CADPS2: variants seen among roughly 807,000 people sequenced by gnomAD.
CADPS2 encodes the protein calcium dependent secretion activator 2.
CADPS2 carries 93 observed loss-of-function variants against 172.5 expected under a neutral mutation model. The ratio of observed to expected loss-of-function variants is 0.54; its 90% confidence interval spans 0.46 to 0.64. The LOEUF (loss-of-function observed/expected upper bound fraction) is 0.64, where lower values mean the gene tolerates loss of function less well. Among genes scored for constraint, CADPS2 ranks in the 30% least tolerant of loss-of-function variants. CADPS2 has a pLI of 0.00. For synonymous variants in CADPS2, 546 were observed against 555.2 expected, an observed-to-expected ratio of 0.98 and a Z score of 0.23; for missense variants, 1,420 against 1,565.9, an observed-to-expected ratio of 0.91 and a Z score of 1.57.
intron 1 of CADPS2, among the ~76,000 whole-genome samples, chr7:122,833,013 T>C (rs1807072302): frequency 6.6e-6 from 1 of 152,218 alleles, no homozygotes; most frequent in African/African-American, 2.4e-5. Flanking sequence ...ATCTATTTCC[T>C]ATGAAAAATT....
At chr7:122,423,924 C>A (rs371749186) in intron 17 of CADPS2, among the ~76,000 whole-genome samples, 1 of 152,192 alleles carries the variant, frequency 6.6e-6, no homozygotes, top group East Asian at 1.9e-4. Context: ...AGGTGACCTA[C>A]GTAAACTTTG....
Position 122,474,534 on chromosome 7 carries a change from G to C in CADPS2, c.1862-17C>G. On this transcript the variant is annotated splice_polypyrimidine_tract_variant and intron_variant, in intron 12 of 29. Transcript: ENST00000449022. ...GATCTGCATCTGTAAATTCAGGAAA[G>C]CATGTACAGTATATTTACTTTTCAG... 2 of 1,608,472 alleles carry C rather than the reference G, an allele frequency of 1.2e-6. No homozygotes were observed. The highest frequency in any genetic ancestry group is 1.7e-6 in the Non-Finnish European group (2 of 1,176,940).
chr7:122,485,484 A>G (rs570032011), intron 11 of CADPS2, among the ~76,000 whole-genome samples: 5 of 152,328 alleles, frequency 3.3e-5, no homozygotes, highest in African/African-American at 9.6e-5. Context: ...CCTAATCCAG[A>G]GCAAGGCCCT....
At chr7:122,538,020 T>C (rs1318415147) in intron 8 of CADPS2, among the ~76,000 whole-genome samples, 1 of 151,682 alleles carries the variant, frequency 6.6e-6, no homozygotes, top group East Asian at 1.9e-4. Context: ...AAACTTGAAA[T>C]GGCCACCAAA....
chr7:122,565,026 A>C (rs1288873292), intron 7 of CADPS2, among the ~76,000 whole-genome samples: 1 of 152,114 alleles, frequency 6.6e-6, no homozygotes, highest in Non-Finnish European at 1.5e-5. Context: ...CAATGGGTAT[A>C]CATAGATATA....
intron 18 of CADPS2, 36 bp from the exon 19 acceptor site, chr7:122,414,112 T>C (rs761450719): frequency 8.1e-6 from 12 of 1,485,696 alleles, no homozygotes; most frequent in Non-Finnish European, 1.1e-5. Context: ...CATTGCAGAG[T>C]AGAACAATTG....
intron 1 of CADPS2, among the ~76,000 whole-genome samples, chr7:122,857,270 CTTTT>C (rs1584963952): frequency 6.6e-6 from 1 of 152,234 alleles, no homozygotes; most frequent in East Asian, 1.9e-4. Context: ...CCCTCTATTT[CTTTT>C]TTATGTTTCT....
At chr7:122,499,296 C>G (rs1020385816) in intron 9 of CADPS2, among the ~76,000 whole-genome samples, 2 of 152,162 alleles carry the variant, frequency 1.3e-5, no homozygotes, top group African/African-American at 4.8e-5. Context: ...GGTACATCTT[C>G]TTTCTCTGCA....
At chr7:122,704,947 C>G (rs35372605) in intron 2 of CADPS2, among the ~76,000 whole-genome samples, 21,250 of 151,734 alleles carry the variant, frequency 0.14, 1,546 homozygotes, top group Middle Eastern at 0.21. Context: ...ATTATGTGGT[C>G]CAAAATATCA....
intron 7 of CADPS2, among the ~76,000 whole-genome samples, chr7:122,574,188 G>A (rs2067653465): frequency 6.6e-6 from 1 of 151,892 alleles, no homozygotes; most frequent in Non-Finnish European, 1.5e-5. Flanking sequence ...GCTCATGCCA[G>A]GAATCCAAGC....
chr7:122,538,212 G>A (rs2062521523), intron 8 of CADPS2, among the ~76,000 whole-genome samples: 1 of 151,294 alleles, frequency 6.6e-6, no homozygotes, highest in South Asian at 2.1e-4. Context: ...CTGATTTAAT[G>A]AGGTTAATAT....
chr7:122,602,582 G>T (rs1262238016), intron 6 of CADPS2, among the ~76,000 whole-genome samples: 1 of 151,928 alleles, frequency 6.6e-6, no homozygotes, highest in Non-Finnish European at 1.5e-5. Context: ...GAGTTCCTAG[G>T]CAGAGAAAGA....
chr7:122,622,929 T>C (rs925940028), intron 4 of CADPS2, among the ~76,000 whole-genome samples: 2 of 152,290 alleles, frequency 1.3e-5, no homozygotes, highest in South Asian at 2.1e-4. Flanking sequence ...ATTCATGGGA[T>C]TGGAAGGAAC....
chr7:122,335,563 G>T (rs1445737900), intron 28 of CADPS2, among the ~76,000 whole-genome samples: 1 of 152,134 alleles, frequency 6.6e-6, no homozygotes, highest in Non-Finnish European at 1.5e-5. Flanking sequence ...CAAATATAGG[G>T]AATATATGGA....
intron 7 of CADPS2, among the ~76,000 whole-genome samples, chr7:122,568,890 G>A (rs1046910512): frequency 6.6e-6 from 1 of 151,820 alleles, no homozygotes; most frequent in Non-Finnish European, 1.5e-5. Flanking sequence ...AGAGAATAAC[G>A]AGAGCTATCT....
At chr7:122,457,618 T>C (rs982210178) in intron 14 of CADPS2, among the ~76,000 whole-genome samples, 7 of 152,222 alleles carry the variant, frequency 4.6e-5, no homozygotes, top group African/African-American at 1.7e-4. Context: ...TAACTTTGTA[T>C]AAATAGCACT....
intron 1 of CADPS2, among the ~76,000 whole-genome samples, chr7:122,865,602 C>T (rs1325254401): frequency 6.6e-6 from 1 of 152,190 alleles, no homozygotes; most frequent in East Asian, 1.9e-4. Flanking sequence ...CTCATTAAGA[C>T]TGATGATCTT....
At chr7:122,504,864 C>A (rs575974468) in intron 9 of CADPS2, among the ~76,000 whole-genome samples, 1 of 152,118 alleles carries the variant, frequency 6.6e-6, no homozygotes, top group Non-Finnish European at 1.5e-5. Flanking sequence ...ATGCCCAGTC[C>A]GTTTTCACAA....
chr7:122,691,459 C>G (rs944974420), intron 2 of CADPS2, among the ~76,000 whole-genome samples: 4 of 152,196 alleles, frequency 2.6e-5, no homozygotes, highest in Non-Finnish European at 2.9e-5. Context: ...AATGGGCACC[C>G]CTAGTCAACT....
Sources: gnomAD v4.1 joint callset for allele counts (sites outside exome capture counted in the v4.1 genomes callset) on GRCh38, gnomAD v4.1.1 for gene constraint, MANE v1.5 for transcripts, NCBI Gene and HGNC (gene_info 2026-07-23, HGNC 2026-07-21) for gene names.